CMSS1: variants seen among roughly 807,000 people sequenced by gnomAD.
CMSS1 encodes cms1 ribosomal small subunit homolog.
Under a neutral mutation model 43.5 loss-of-function variants are expected in CMSS1, and 33 were observed. The ratio of observed to expected loss-of-function variants is 0.76; its 90% confidence interval spans 0.57 to 1.01. CMSS1 has a LOEUF of 1.01. Among genes scored for constraint, CMSS1 ranks in the 50% least tolerant of loss-of-function variants. The pLI is 0.00. For missense variants in CMSS1, 313 were observed against 326.4 expected (o/e 0.96, Z 0.32); for synonymous variants, 115 against 117.2 (o/e 0.98, Z 0.12).
At chr3:99,991,923 TAC>T (rs1709528717) in intron 1 of CMSS1, among the ~76,000 whole-genome samples, 1 of 149,544 alleles carries the variant, frequency 6.7e-6, no homozygotes, top group Non-Finnish European at 1.5e-5. Context: ...TAGGTATATA[TAC>T]ACACATATGT....
Position 99,987,528 on chromosome 3 carries a change from C to CAA in CMSS1, c.65-159428_65-159427dup, listed in dbSNP as rs1209242716. On this transcript the variant is annotated intron_variant, in intron 1 of 9. Transcript: ENST00000421999. The stretch of plus-strand genomic sequence containing the variant: ...TGGGTGACAGAGCGAGATTCTGTCT[C>CAA]AAAAAAAAAAAAAAAAAAGAAAGAA... 8.3e-3 allele frequency among the ~76,000 whole-genome samples: 475 copies of CAA among 57,100 alleles called. 4 individuals carry two copies. The highest frequency in any genetic ancestry group is 0.026 in the African/African-American group (443 of 17,240). 37.5% of individuals were successfully genotyped at this position (57,100 alleles called of 152,430 possible).
At chr3:99,998,678 T>C (rs1195481755) in intron 1 of CMSS1, among the ~76,000 whole-genome samples, 2 of 152,208 alleles carry the variant, frequency 1.3e-5, no homozygotes, top group African/African-American at 4.8e-5. Flanking sequence ...TTCTCCCGCC[T>C]CAGCCTCCCC....
intron 1 of CMSS1, among the ~76,000 whole-genome samples, chr3:100,142,328 T>A (rs2066812166): frequency 1.3e-5 from 2 of 152,224 alleles, no homozygotes; most frequent in East Asian, 3.9e-4. Context: ...CTTTACTATG[T>A]ACAGACTTTT....
chr3:99,885,380 C>T (rs1349607418), intron 1 of CMSS1, among the ~76,000 whole-genome samples: 5 of 152,194 alleles, frequency 3.3e-5, no homozygotes, highest in African/African-American at 1.2e-4. Flanking sequence ...GAAGTACAAA[C>T]TTATCTTATT....
intron 1 of CMSS1, among the ~76,000 whole-genome samples, chr3:100,070,823 G>C (rs147363919): frequency 6.6e-6 from 1 of 152,130 alleles, no homozygotes; most frequent in Non-Finnish European, 1.5e-5. Context: ...TAGAGACCGG[G>C]TCTCACCATG....
intron 3 of CMSS1, 59 bp downstream of exon 3, chr3:100,160,560 T>A: frequency 2.5e-6 from 2 of 812,394 alleles, no homozygotes; most frequent in Non-Finnish European, 4.1e-6. Context: ...CACATTTTTA[T>A]ATATCATACT....
At chr3:99,832,320 T>G (rs982315226) in intron 1 of CMSS1, among the ~76,000 whole-genome samples, 1 of 146,378 alleles carries the variant, frequency 6.8e-6, no homozygotes, top group Non-Finnish European at 1.5e-5. Flanking sequence ...AAGCTCCGCC[T>G]CCCGGGCTCC....
At chr3:100,115,528 C>CA (rs2066551612) in intron 1 of CMSS1, among the ~76,000 whole-genome samples, 1 of 150,550 alleles carries the variant, frequency 6.6e-6, no homozygotes, top group Admixed American at 6.6e-5. Context: ...AACATTTTAC[C>CA]ACTGGTTGTA....
intron 1 of CMSS1, among the ~76,000 whole-genome samples, chr3:99,883,743 T>C (rs775418375): frequency 6.6e-6 from 1 of 152,236 alleles, no homozygotes; most frequent in Non-Finnish European, 1.5e-5. Context: ...CAATAATAGG[T>C]GACACATTTA....
chr3:99,825,068 A>G (rs1414469461), intron 1 of CMSS1, among the ~76,000 whole-genome samples: 1 of 152,166 alleles, frequency 6.6e-6, no homozygotes, highest in African/African-American at 2.4e-5. Context: ...AAACCTTTAC[A>G]GTATTAGTTT....
At chr3:100,123,435 G>A (rs1402804777) in intron 1 of CMSS1, among the ~76,000 whole-genome samples, 2 of 152,208 alleles carry the variant, frequency 1.3e-5, no homozygotes, top group Non-Finnish European at 2.9e-5. Flanking sequence ...TGGTGCTAGG[G>A]AGTGTGAGTG....
intron 1 of CMSS1, chr3:100,041,001 G>A (rs572176795): frequency 1.3e-4 from 20 of 152,286 alleles, no homozygotes; most frequent in African/African-American, 4.1e-4. Context: ...CTGTCCTGAA[G>A]TATGTCTTTG....
intron 1 of CMSS1, among the ~76,000 whole-genome samples, chr3:100,082,100 T>C (rs1559751369): frequency 6.6e-6 from 1 of 152,186 alleles, no homozygotes; most frequent in Non-Finnish European, 1.5e-5. Context: ...TCCTAGACAT[T>C]TTTAGTTCAG....
At chr3:100,046,677 G>T (rs1285218069) in intron 1 of CMSS1, among the ~76,000 whole-genome samples, 6 of 152,096 alleles carry the variant, frequency 3.9e-5, no homozygotes, top group African/African-American at 1.4e-4. Context: ...GGCCATCTCA[G>T]CTCCAGGTAA....
intron 1 of CMSS1, among the ~76,000 whole-genome samples, chr3:99,944,684 AC>A (rs1707955566): frequency 6.6e-6 from 1 of 152,214 alleles, no homozygotes; most frequent in Admixed American, 6.5e-5. Flanking sequence ...TTCAGAGCCC[AC>A]CCAGTCTTTG....
chr3:100,091,135 C>G (rs886805664), intron 1 of CMSS1, among the ~76,000 whole-genome samples: 6 of 151,548 alleles, frequency 4.0e-5, no homozygotes, highest in African/African-American at 1.5e-4. Context: ...AATACAAAAA[C>G]TTAGCTGGGC....
At chr3:99,849,503 T>C in intron 1 of CMSS1, 1 of 1,613,384 alleles carries the variant, frequency 6.2e-7, no homozygotes, top group Non-Finnish European at 8.5e-7. Flanking sequence ...TCATGAATTT[T>C]CTCTTTTAAT....
intron 1 of CMSS1, among the ~76,000 whole-genome samples, chr3:99,905,689 CA>C (rs144694106): frequency 2.4e-4 from 37 of 152,334 alleles, no homozygotes; most frequent in Non-Finnish European, 4.0e-4. Context: ...CTTTGTGGCA[CA>C]TTCCAGTTGA....
intron 1 of CMSS1, among the ~76,000 whole-genome samples, chr3:100,093,861 T>C (rs2066157015): frequency 6.6e-6 from 1 of 152,130 alleles, no homozygotes; most frequent in Admixed American, 6.5e-5. Context: ...TTCTGAAGAG[T>C]TATCTAGGAC....
Sources: allele counts gnomAD v4.1 joint callset (sites outside exome capture counted in the v4.1 genomes callset), GRCh38; gene constraint gnomAD v4.1.1; transcripts MANE v1.5; gene names NCBI Gene and HGNC (gene_info 2026-07-23, HGNC 2026-07-21).